The following VIT variants were observed in gnomAD, a reference collection of about 807,000 sequenced individuals.
VIT encodes the protein vitrin.
A neutral mutation model predicts 78.0 loss-of-function variants in VIT; 99 were observed. That is an observed-to-expected ratio of 1.27 (90% CI 1.08 to 1.50). VIT has a LOEUF of 1.50. Ranked by LOEUF, VIT falls within the 40% of genes most tolerant of loss-of-function variation. The pLI is 0.00. For missense variants in VIT, 1,126 were observed against 875.3 expected (o/e 1.29, Z -3.61); for synonymous variants, 374 against 334.3 (o/e 1.12, Z -1.29).
intron 1 of VIT, among the ~76,000 whole-genome samples, chr2:36,698,413 G>A (rs970516864): frequency 6.6e-6 from 1 of 152,148 alleles, no homozygotes; most frequent in African/African-American, 2.4e-5. Context: ...AAGACACATT[G>A]AATACAGGAA....
chr2:36,715,930 A>T (rs1164360130), intron 1 of VIT, among the ~76,000 whole-genome samples: 2 of 152,200 alleles, frequency 1.3e-5, no homozygotes, highest in Non-Finnish European at 2.9e-5. Context: ...TTTCTAACAA[A>T]ACGTAGCCAT....
chr2:36,737,925 T>A (rs906330513), intron 3 of VIT, among the ~76,000 whole-genome samples: 1 of 152,210 alleles, frequency 6.6e-6, no homozygotes, highest in African/African-American at 2.4e-5. Context: ...TAGCCCTTCT[T>A]CTGATATGGG....
intron 6 of VIT, among the ~76,000 whole-genome samples, chr2:36,765,646 G>A (rs545363479): frequency 2.0e-5 from 3 of 152,222 alleles, no homozygotes; most frequent in Admixed American, 1.3e-4. Context: ...GTCATATGAC[G>A]ACGGAGCAGA....
intron 3 of VIT, among the ~76,000 whole-genome samples, chr2:36,738,500 G>C (rs1667643810): frequency 1.3e-5 from 2 of 152,144 alleles, no homozygotes; most frequent in Non-Finnish European, 2.9e-5. Context: ...CCCCAAAACT[G>C]TGTTGCCACA....
chr2:36,748,290 T>C (rs1668257993), intron 4 of VIT, among the ~76,000 whole-genome samples: 1 of 152,188 alleles, frequency 6.6e-6, no homozygotes, highest in South Asian at 2.1e-4. Context: ...ACTGAGGGAA[T>C]TTTCATGAAC....
chr2:36,805,514 G>A lies in VIT; in HGVS notation c.1239G>A (p.Val413=). ...ACAGAAGCGGGGCTCCCAATGTGGT[G>A]GTGGTGATGGTGGATGGCTGGCCCA... ...NGNRSGAPNV[V]VVMVDGWPTD... Residue 413 remains valine, a synonymous_variant, in exon 14 of 16, where the codon GTG becomes GTA. Coordinates refer to ENST00000379242, the MANE Select transcript of VIT (RefSeq NM_053276.4). 10 of 1,614,152 alleles carry A rather than the reference G, an allele frequency of 6.2e-6. No individual in the cohort carries two copies. Among genetic ancestry groups the A allele is most frequent in the Non-Finnish European group, 8.5e-6 (10 of 1,180,024 alleles).
intron 2 of VIT, among the ~76,000 whole-genome samples, chr2:36,727,421 G>A (rs756390545): frequency 2.0e-4 from 30 of 152,212 alleles, no homozygotes; most frequent in Non-Finnish European, 3.7e-4. Context: ...TGGAAGGGAA[G>A]ACAGAGTACA....
chr2:36,753,959 C>T (rs1279091361), intron 4 of VIT, among the ~76,000 whole-genome samples: 1 of 152,190 alleles, frequency 6.6e-6, no homozygotes, highest in African/African-American at 2.4e-5. Flanking sequence ...TGCAACCTCA[C>T]ACAGCCTGTT....
At chr2:36,717,335 TGTGTGTGTG>T (rs1323493514) in intron 2 of VIT, among the ~76,000 whole-genome samples, 5 of 1,620 alleles carry the variant, frequency 3.1e-3, no homozygotes, top group African/African-American at 4.2e-3. Context: ...GCCTGGCTAA[TGTGTGTGTG>T]TGTGTGTGTG....
chr2:36,773,839 C>T lies in VIT; in HGVS notation c.728C>T (p.Ala243Val), dbSNP rs747961291. The change falls in exon 8 of 16, where the codon GCT (alanine) becomes GTT (valine). Residue 243 changes from alanine to valine, a missense_variant. Ala to Val is a moderately conservative substitution (Grantham distance 64, BLOSUM62 0). Transcript: ENST00000379242. ...TYTSSQNRPR[A>V]DPGIQRQDPS... is the part of the protein sequence containing the mutation. The stretch of plus-strand genomic sequence containing the variant: ...ACAAGCAGCCAAAACAGGCCCAGAG[C>T]TGATCCAGGTAAGACCTTAAACTCC... 8 of 1,601,720 alleles carry T rather than the reference C, an allele frequency of 5.0e-6. 1 individual carries two copies. In the South Asian group the frequency reaches 7.9e-5, roughly 16 times the overall value.
In VIT at chr2:36,808,681, G is replaced by A. The variant is rs770992114; in HGVS notation, c.1599G>A (p.Val533=). 1.2e-6 allele frequency: 2 copies of A among 1,614,206 alleles called. No individual in the cohort carries two copies. Among genetic ancestry groups the A allele is most frequent in the South Asian group, 1.1e-5 (1 of 91,074 alleles). Residue 533 remains valine (V), a synonymous_variant, in exon 15 of 16, where the codon GTG becomes GTA. Transcript: ENST00000379242. ...TGNFRTVLQF[V]TNLTKEFEIS... is the part of the protein sequence containing the mutation. Reference sequence around the variant, plus strand: ...ACTTCCGCACCGTCCTCCAGTTTGTGACCAACCTCACCAAAGAGTTTGAGA... The same window carrying A: ...ACTTCCGCACCGTCCTCCAGTTTGTAACCAACCTCACCAAAGAGTTTGAGA...
rs575855228 is a variant in VIT, at chr2:36,746,061, G to T, written c.275+2805G>T. Among the ~76,000 whole-genome samples the T allele has an allele frequency of 2.0e-5, 3 of 152,176 alleles. No individual in the cohort carries two copies. The East Asian group carries it at 5.8e-4, about 29-fold the overall frequency. Reference sequence around the variant, plus strand: ...AAGCTTTTTCTGTGTCTATTGAGATGATCACATGGTTTTTGTTTTTAATTC... The same window carrying T: ...AAGCTTTTTCTGTGTCTATTGAGATTATCACATGGTTTTTGTTTTTAATTC... On this transcript the variant is annotated intron_variant, in intron 4 of 15. Transcript: ENST00000379242.
intron 13 of VIT, among the ~76,000 whole-genome samples, chr2:36,803,896 G>C (rs75852679): frequency 0.018 from 2,765 of 152,234 alleles, 89 homozygotes; most frequent in African/African-American, 0.064. Context: ...AAAATACTGT[G>C]TATAATTTCA....
intron 1 of VIT, 92 bp from the exon 2 acceptor site, chr2:36,716,261 C>A: frequency 9.9e-7 from 1 of 1,013,600 alleles, no homozygotes; most frequent in East Asian, 2.4e-5. Flanking sequence ...GAGGGCAATG[C>A]AAAATGATGC....
At chr2:36,805,928 G>A (rs1666689605) in intron 14 of VIT, among the ~76,000 whole-genome samples, 1 of 152,030 alleles carries the variant, frequency 6.6e-6, no homozygotes, top group Non-Finnish European at 1.5e-5. Context: ...AGCCCCAGGG[G>A]GGGTCTCACC....
chr2:36,796,448 G>C (rs540078241), intron 12 of VIT, among the ~76,000 whole-genome samples: 1 of 152,110 alleles, frequency 6.6e-6, no homozygotes, highest in African/African-American at 2.4e-5. Context: ...TTTATAGAAC[G>C]TAACTGCCAA....
At chr2:36,742,162 C>G (rs931204657) in intron 3 of VIT, among the ~76,000 whole-genome samples, 3 of 152,144 alleles carry the variant, frequency 2.0e-5, no homozygotes, top group Non-Finnish European at 2.9e-5. Context: ...TCTAGGGGAC[C>G]TTGGACCTTT....
intron 2 of VIT, among the ~76,000 whole-genome samples, chr2:36,717,436 C>T (rs1352221267): frequency 1.9e-5 from 2 of 107,150 alleles, no homozygotes; most frequent in Non-Finnish European, 4.3e-5. Flanking sequence ...CAGGGTTTCA[C>T]CGTGTTAGCC....
Position 36,811,115 on chromosome 2 carries a change from G to A in VIT, c.1903+2130G>A, listed in dbSNP as rs74949330. On this transcript the variant is annotated intron_variant, in intron 15 of 15. Transcript: ENST00000379242. Reference sequence around the variant, plus strand: ...GACTTACCCTTTATGGAGCCTGTAGGGCACCCTCATAATGGTGGGATGGCT... The same window carrying A: ...GACTTACCCTTTATGGAGCCTGTAGAGCACCCTCATAATGGTGGGATGGCT... 9.5e-3 allele frequency among the ~76,000 whole-genome samples: 1,442 copies of A among 152,276 alleles called. 17 individuals carry two copies. Among genetic ancestry groups the A allele is most frequent in the Middle Eastern group, 0.048 (14 of 294 alleles).
Sources: gnomAD v4.1 joint callset for allele counts (sites outside exome capture counted in the v4.1 genomes callset) on GRCh38, gnomAD v4.1.1 for gene constraint, MANE v1.5 for transcripts, NCBI Gene and HGNC (gene_info 2026-07-23, HGNC 2026-07-21) for gene names.